The following ACRV1 variants were observed in gnomAD, a reference collection of about 807,000 sequenced individuals.
ACRV1 encodes acrosomal vesicle protein 1, also known as acrosomal protein SP-10.
Under a neutral mutation model 29.2 loss-of-function variants are expected in ACRV1, and 17 were observed. That is an observed-to-expected ratio of 0.58 (90% CI 0.40 to 0.87). ACRV1 has a LOEUF of 0.87. Ranked by LOEUF, ACRV1 falls within the 40% of genes least tolerant of loss-of-function variation. The probability of loss-of-function intolerance (pLI) is 0.00; values close to 1 mark genes in which losing one functional copy is unlikely to be tolerated. For missense variants in ACRV1, 294 were observed against 316.0 expected (o/e 0.93, Z 0.53); for synonymous variants, 98 against 111.6 (o/e 0.88, Z 0.77).
intron 1 of ACRV1, among the ~76,000 whole-genome samples, chr11:125,678,919 G>A (rs1248825722): frequency 7.1e-6 from 1 of 141,594 alleles, no homozygotes. Context: ...GTGGGTTGGG[G>A]ATTCAGAGAG....
intron 1 of ACRV1, among the ~76,000 whole-genome samples, chr11:125,679,265 T>C (rs1942687522): frequency 6.7e-6 from 1 of 149,410 alleles, no homozygotes; most frequent in South Asian, 2.2e-4. Context: ...TTGCCCAGGC[T>C]GGAGTACAGT....
chr11:125,677,604 A>G (rs1413924721), intron 2 of ACRV1, among the ~76,000 whole-genome samples, 193 bp downstream of exon 2: 1 of 152,100 alleles, frequency 6.6e-6, no homozygotes, highest in South Asian at 2.1e-4. Context: ...GGCCCTCCAT[A>G]TTGTTTAGCT....
At position 125,677,779 on chromosome 11, in the gene ACRV1, C is replaced by T; in HGVS notation, c.553+18G>A. 1.9e-6 allele frequency: 3 copies of T among 1,611,586 alleles called. No homozygotes were observed. Among genetic ancestry groups the T allele is most frequent in the Non-Finnish European group, 2.5e-6 (3 of 1,177,894 alleles). On this transcript the variant is annotated intron_variant, in intron 2 of 3. Transcript: ENST00000533904. ...CCACCTGAAGTCAATGACTGGCACCCATCCAAACATGGCTCACCTGTAGAT... is the reference window on the plus strand; with the variant it reads ...CCACCTGAAGTCAATGACTGGCACCTATCCAAACATGGCTCACCTGTAGAT...
In ACRV1 at chr11:125,678,120, T is replaced by C; in HGVS notation, c.230A>G (p.Lys77Arg). The change falls in exon 2 of 4, where the codon AAG becomes AGG. Residue 77 changes from lysine (K) to arginine (R), a missense_variant. By Grantham distance (26) the Lys-to-Arg change is conservative. Transcript: ENST00000533904. ...EHGSSEHGSS[K>R]HTVAEHTSGE... ...AGAAGTGTGCTCGGCCACAGTGTGC[T>C]TGCTTGAACCATGCTCACTGGAACC... 1 of 1,614,190 alleles carries C rather than the reference T, an allele frequency of 6.2e-7. No homozygotes were observed.
At chr11:125,678,328 G>A (rs200851785) in intron 1 of ACRV1, 31 bp from the exon 2 acceptor site, 63 of 1,604,268 alleles carry the variant, frequency 3.9e-5, no homozygotes, top group Admixed American at 5.1e-5. Flanking sequence ...AAGAGAGTTG[G>A]TGAAGCTGAC....
intron 3 of ACRV1, among the ~76,000 whole-genome samples, chr11:125,673,854 C>T (rs1275568210): frequency 2.0e-5 from 3 of 152,042 alleles, no homozygotes; most frequent in South Asian, 2.1e-4. Context: ...TTCTGTCACT[C>T]GGTTTCCATT....
intron 1 of ACRV1, among the ~76,000 whole-genome samples, chr11:125,679,351 GGGATTACA>G (rs138618487): frequency 0.021 from 3,112 of 151,712 alleles, 84 homozygotes; most frequent in African/African-American, 0.068. Flanking sequence ...CCGAGTAGCT[GGGATTACA>G]GGTGCATGCC....
At chr11:125,673,191 C>T (rs1304465774) in intron 3 of ACRV1, among the ~76,000 whole-genome samples, 2 of 136,762 alleles carry the variant, frequency 1.5e-5, no homozygotes, top group Non-Finnish European at 3.1e-5. Flanking sequence ...ATACTGTGGA[C>T]TACACCCTTT....
chr11:125,678,333 G>A, intron 1 of ACRV1, 36 bp from the exon 2 acceptor site: 1 of 1,601,194 alleles, frequency 6.2e-7, no homozygotes, highest in Non-Finnish European at 8.5e-7. Flanking sequence ...AGTTGGTGAA[G>A]CTGACAGAAT....
Position 125,676,464 on chromosome 11 carries a change from A to T in ACRV1, c.568T>A (p.Cys190Ser), listed in dbSNP as rs1271514479. 10 of 1,614,054 alleles carry T rather than the reference A, an allele frequency of 6.2e-6. No individual in the cohort carries two copies. Among genetic ancestry groups the T allele is most frequent in the Middle Eastern group, 1.6e-4 (1 of 6,084 alleles). The change falls in exon 3 of 4, where the codon TGC becomes AGC. Residue 190 changes from cysteine (C) to serine (S), a missense_variant. Coordinates refer to ENST00000533904, the MANE Select transcript of ACRV1 (RefSeq NM_001612.6). ...TCATTCATATAAGCACATGTGTAGCAATTTAATATTGTGCCTGAAAATTTA... is the reference window on the plus strand; with the variant it reads ...TCATTCATATAAGCACATGTGTAGCTATTTAATATTGTGCCTGAAAATTTA... ...SSTSTGTILN[C>S]YTCAYMNDQG...
rs1219260495 is a variant in ACRV1 at position 125,680,821 on chromosome 11, C to G, written c.-41G>C. On this transcript the variant is annotated 5_prime_UTR_variant, in exon 1 of 4. Transcript: ENST00000533904. The stretch of plus-strand genomic sequence containing the variant: ...GAGGGGACCCCAGTGTGGGCCACAG[C>G]TTCTTCACAGAGCTATGAAGCAAAC... 3 of 1,556,420 alleles carry G rather than the reference C, an allele frequency of 1.9e-6. No homozygotes were observed. The highest frequency in any genetic ancestry group is 4.5e-5 in the East Asian group (2 of 44,536).
chr11:125,678,261 A>G lies in ACRV1; in HGVS notation c.89T>C (p.Ile30Thr), dbSNP rs754410980. 14 of 1,614,084 alleles carry G rather than the reference A, an allele frequency of 8.7e-6. No individual in the cohort carries two copies. The highest frequency in any genetic ancestry group is 6.7e-5 in the African/African-American group (5 of 74,934). ...TTGCTGAACTGAAGTTTGATGATCTATGGAGCCAGAAAGCTCATTAGGCTG... is the reference window on the plus strand; with the variant it reads ...TTGCTGAACTGAAGTTTGATGATCTGTGGAGCCAGAAAGCTCATTAGGCTG... The part of the protein sequence containing the change: ...SSQPNELSGS[I>T]DHQTSVQQLP... The change falls in exon 2 of 4, where the codon ATA becomes ACA. Residue 30 changes from isoleucine (I) to threonine (T), a missense_variant. Coordinates refer to ENST00000533904, the MANE Select transcript of ACRV1 (RefSeq NM_001612.6).
At chr11:125,673,423 G>A (rs1400610239) in intron 3 of ACRV1, among the ~76,000 whole-genome samples, 8 of 151,924 alleles carry the variant, frequency 5.3e-5, no homozygotes, top group Non-Finnish European at 1.0e-4. Flanking sequence ...GGCTGGTCTC[G>A]ATCTCCTGAC....
chr11:125,672,949 G>C (rs1367394721), intron 3 of ACRV1, among the ~76,000 whole-genome samples: 3 of 152,068 alleles, frequency 2.0e-5, no homozygotes, highest in Non-Finnish European at 2.9e-5. Flanking sequence ...TTACAAGGAT[G>C]CTCAGGTTAC....
At chr11:125,680,620 A>G (rs1203124166) in intron 1 of ACRV1, 109 bp downstream of exon 1, 2 of 969,034 alleles carry the variant, frequency 2.1e-6, no homozygotes, top group African/African-American at 3.3e-5. Flanking sequence ...CTTGATTCTG[A>G]CTCAGATTGG....
chr11:125,675,112 G>T (rs1343571150), intron 3 of ACRV1, among the ~76,000 whole-genome samples: 1 of 152,168 alleles, frequency 6.6e-6, no homozygotes, highest in Non-Finnish European at 1.5e-5. Flanking sequence ...AGAGATCCTG[G>T]TTTAATTGCT....
rs71045115 is a variant in ACRV1 at position 125,679,216 on chromosome 11, C to CTTTTTTT, written c.53-926_53-920dup. 9.8e-4 allele frequency among the ~76,000 whole-genome samples: 119 copies of CTTTTTTT among 121,006 alleles called. 2 individuals carry two copies. The highest frequency in any genetic ancestry group is 2.2e-3 in the South Asian group (8 of 3,584). The allele number at this position is 121,006 out of a possible 152,430, so 79.4% of individuals were successfully genotyped here. On this transcript the variant is annotated intron_variant, in intron 1 of 3. Transcript: ENST00000533904. ...TCTTCTACCTTTAATCCGTCTCTTTCTTTTTTTTTTTTTGTTTCAAAGATA... is the reference window on the plus strand; with the variant it reads ...TCTTCTACCTTTAATCCGTCTCTTTCTTTTTTTTTTTTTTTTTTTTGTTTCAAAGATA...
chr11:125,674,307 T>C (rs908119118), intron 3 of ACRV1, among the ~76,000 whole-genome samples: 2 of 152,176 alleles, frequency 1.3e-5, no homozygotes, highest in Non-Finnish European at 2.9e-5. Context: ...ATGATTAATT[T>C]TGGTATTTTG....
At chr11:125,672,852 A>G (rs1591433525) in intron 3 of ACRV1, 135 bp from the exon 4 acceptor site, 2 of 1,142,610 alleles carry the variant, frequency 1.8e-6, no homozygotes, top group Admixed American at 2.8e-5. Context: ...TTTCTCTTCT[A>G]TTTGCTTCCT....
Sources: gnomAD v4.1 joint callset for allele counts (sites outside exome capture counted in the v4.1 genomes callset) on GRCh38, gnomAD v4.1.1 for gene constraint, MANE v1.5 for transcripts, NCBI Gene and HGNC (gene_info 2026-07-23, HGNC 2026-07-21) for gene names.